Variants in CMSS1 observed in about 807,000 individuals in gnomAD.
CMSS1 encodes cms1 ribosomal small subunit homolog, also known as protein CMSS1.
CMSS1 carries 33 observed loss-of-function variants against 43.5 expected under a neutral mutation model. The ratio of observed to expected loss-of-function variants is 0.76; its 90% CI spans 0.57 to 1.01. The LOEUF (loss-of-function observed/expected upper bound fraction) is 1.01. CMSS1 is among the 50% of genes least tolerant of loss of function. The probability of loss-of-function intolerance (pLI) is 0.00; values close to 1 mark genes in which losing one functional copy is unlikely to be tolerated. For synonymous variants in CMSS1, 115 were observed against 117.2 expected, an observed-to-expected ratio of 0.98 and a Z score of 0.12; for missense variants, 313 against 326.4, an observed-to-expected ratio of 0.96 and a Z score of 0.32.
chr3:99,944,297 A>G (rs1353625639), intron 1 of CMSS1, among the ~76,000 whole-genome samples: 1 of 152,170 alleles, frequency 6.6e-6, no homozygotes, highest in Non-Finnish European at 1.5e-5. Context: ...GTGATAGGGA[A>G]CTATGATCCT....
chr3:99,972,772 G>T (rs532405971), intron 1 of CMSS1, among the ~76,000 whole-genome samples: 1 of 152,184 alleles, frequency 6.6e-6, no homozygotes. Flanking sequence ...GATTAACTGG[G>T]TGTTAATGAT....
intron 6 of CMSS1, among the ~76,000 whole-genome samples, 172 bp downstream of exon 6, chr3:100,168,012 A>T (rs962564898): frequency 6.6e-6 from 1 of 152,246 alleles, no homozygotes; most frequent in Non-Finnish European, 1.5e-5. Context: ...AAGATACATT[A>T]TAACGTCAAG....
At chr3:100,133,364 TAC>T (rs1483205201) in intron 1 of CMSS1, among the ~76,000 whole-genome samples, 1 of 152,174 alleles carries the variant, frequency 6.6e-6, no homozygotes, top group Non-Finnish European at 1.5e-5. Context: ...CTTATTCATA[TAC>T]ACACAGAGAC....
At chr3:99,913,582 A>G (rs1460301817) in intron 1 of CMSS1, among the ~76,000 whole-genome samples, 1 of 152,230 alleles carries the variant, frequency 6.6e-6, no homozygotes, top group Non-Finnish European at 1.5e-5. Context: ...ATTGAATAAT[A>G]TGCAACCACT....
At position 99,861,446 on chromosome 3, in the gene CMSS1, C is replaced by G. The variant is rs527953080; in HGVS notation, c.64+43403C>G. Reference sequence around the variant, plus strand: ...CCTAGTTCATGGCATACAGAGCTGCCTTTACACCTAGCATTGTGATGGTGC... The same window carrying G: ...CCTAGTTCATGGCATACAGAGCTGCGTTTACACCTAGCATTGTGATGGTGC... On this transcript the variant is annotated intron_variant, in intron 1 of 9. Transcript: ENST00000421999. 5.3e-5 allele frequency among the ~76,000 whole-genome samples: 8 copies of G among 152,314 alleles called. No individual in the cohort carries two copies. In the East Asian group the frequency reaches 1.5e-3, roughly 29 times the overall value.
At chr3:99,961,808 T>C (rs1419623805) in intron 1 of CMSS1, among the ~76,000 whole-genome samples, 4 of 152,352 alleles carry the variant, frequency 2.6e-5, no homozygotes, top group Non-Finnish European at 4.4e-5. Context: ...CAAACATCTT[T>C]AGGTCTGCCA....
At chr3:99,911,758 A>G (rs763243322) in intron 1 of CMSS1, among the ~76,000 whole-genome samples, 1 of 152,142 alleles carries the variant, frequency 6.6e-6, no homozygotes, top group Non-Finnish European at 1.5e-5. Flanking sequence ...ACAGCTCACA[A>G]TTAATTAACT....
chr3:100,136,952 T>A (rs1043599856), intron 1 of CMSS1, among the ~76,000 whole-genome samples: 3 of 152,258 alleles, frequency 2.0e-5, no homozygotes, highest in African/African-American at 7.2e-5. Context: ...CTCTTCCTCC[T>A]TGGCTAGGCT....
At chr3:99,876,139 G>A (rs1405931627) in intron 1 of CMSS1, 1 of 986,178 alleles carries the variant, frequency 1.0e-6, no homozygotes, top group Non-Finnish European at 1.2e-6. Flanking sequence ...GCTGCGAGCC[G>A]ACTGTGCGCG....
intron 1 of CMSS1, among the ~76,000 whole-genome samples, chr3:100,009,934 A>T (rs1201721462): frequency 6.6e-6 from 1 of 152,200 alleles, no homozygotes; most frequent in Non-Finnish European, 1.5e-5. Flanking sequence ...CTTTTGCTCC[A>T]TGTTTACCAT....
chr3:99,917,347 T>A (rs1395569671), intron 1 of CMSS1, among the ~76,000 whole-genome samples: 2 of 152,174 alleles, frequency 1.3e-5, no homozygotes, highest in Admixed American at 1.3e-4. Flanking sequence ...ATTTTAGTTG[T>A]GTGTAAAATT....
rs180727647 is a variant in CMSS1 at position 99,852,643 on chromosome 3, A to G, written c.64+34600A>G. On this transcript the variant is annotated intron_variant, in intron 1 of 9. Transcript: ENST00000421999. ...GTATTTTTAGTAGAGACAGGGTTTCACCATGTTGGCCAGGATGGTCTCGAT... is the reference window on the plus strand; with the variant it reads ...GTATTTTTAGTAGAGACAGGGTTTCGCCATGTTGGCCAGGATGGTCTCGAT... Among the ~76,000 whole-genome samples, 997 of 151,990 alleles carry G rather than the reference A, an allele frequency of 6.6e-3. 15 individuals carry two copies. The highest frequency in any genetic ancestry group is 0.023 in the African/African-American group (941 of 41,454).
At chr3:100,098,325 G>T (rs747635212) in intron 1 of CMSS1, among the ~76,000 whole-genome samples, 2 of 152,194 alleles carry the variant, frequency 1.3e-5, no homozygotes, top group Non-Finnish European at 2.9e-5. Context: ...CCCTATATTT[G>T]AATGCCATTT....
chr3:100,016,400 A>C (rs1710341384), intron 1 of CMSS1, among the ~76,000 whole-genome samples: 2 of 152,214 alleles, frequency 1.3e-5, no homozygotes, highest in Admixed American at 1.3e-4. Context: ...CATGTTGGTC[A>C]GGCTGGTCTC....
chr3:100,146,904 A>C, intron 1 of CMSS1, 69 bp from the exon 2 acceptor site: 1 of 1,544,284 alleles, frequency 6.5e-7, no homozygotes, highest in Non-Finnish European at 8.8e-7. Flanking sequence ...TTCTAGAAAG[A>C]TGGTACCAAG....
intron 1 of CMSS1, among the ~76,000 whole-genome samples, chr3:99,844,381 C>A (rs772943280): frequency 3.3e-5 from 5 of 152,022 alleles, no homozygotes; most frequent in Non-Finnish European, 5.9e-5. Context: ...GCATTTTTGC[C>A]TATCTTTTCT....
Position 99,957,281 on chromosome 3 carries a change from G to A in CMSS1, c.64+139238G>A, listed in dbSNP as rs114121242. Among the ~76,000 whole-genome samples, 779 of 152,190 alleles carry A rather than the reference G, an allele frequency of 5.1e-3. 6 individuals are homozygous for A. Among genetic ancestry groups the A allele is most frequent in the African/African-American group, 0.018 (733 of 41,574 alleles). ...ATGAACCACATGCATTGTATGCATA[G>A]CAGCTATTCTTAAGAATTCTGATTT... On this transcript the variant is annotated intron_variant, in intron 1 of 9. Transcript: ENST00000421999.
At chr3:100,171,015 C>T (rs1277151583) in intron 6 of CMSS1, among the ~76,000 whole-genome samples, 2 of 152,182 alleles carry the variant, frequency 1.3e-5, no homozygotes, top group Non-Finnish European at 2.9e-5. Context: ...CCCATAGTCT[C>T]ACATCATCAT....
chr3:100,010,117 T>G, intron 1 of CMSS1: 4 of 950,508 alleles, frequency 4.2e-6, no homozygotes, highest in Non-Finnish European at 5.0e-6. Context: ...TCTTTCTGTC[T>G]CTCTTATTTT....
Sources: allele counts gnomAD v4.1 joint callset (sites outside exome capture counted in the v4.1 genomes callset), GRCh38; gene constraint gnomAD v4.1.1; transcripts MANE v1.5; gene names NCBI Gene and HGNC (gene_info 2026-07-23, HGNC 2026-07-21).